The following CAST variants were observed in gnomAD, a reference collection of about 807,000 sequenced individuals.
CAST encodes MIR583 host.
Under a neutral mutation model 119.6 loss-of-function variants are expected in CAST, and 76 were observed. The ratio of observed to expected loss-of-function variants is 0.64; its 90% CI spans 0.53 to 0.77. CAST has a LOEUF of 0.77. Among genes scored for constraint, CAST ranks in the 30% least tolerant of loss-of-function variants. CAST has a pLI of 0.00. For synonymous variants in CAST, 319 were observed against 331.6 expected, an observed-to-expected ratio of 0.96 and a Z score of 0.41; for missense variants, 953 against 946.5, an observed-to-expected ratio of 1.01 and a Z score of -0.09.
upstream of CAST, among the ~76,000 whole-genome samples, chr5:96,520,612 T>C (rs1336698929): frequency 6.6e-6 from 1 of 152,106 alleles, no homozygotes; most frequent in African/African-American, 2.4e-5. Flanking sequence ...TGTGTGTCTA[T>C]GTATATGTGT....
intron 1 of CAST, among the ~76,000 whole-genome samples, chr5:96,624,063 A>G (rs1226094349): frequency 6.6e-6 from 1 of 152,188 alleles, no homozygotes; most frequent in Non-Finnish European, 1.5e-5. Flanking sequence ...GTAGCACTCA[A>G]AGTGTTCTGC....
intron 1 of CAST, among the ~76,000 whole-genome samples, chr5:96,638,243 T>TA (rs1025580236): frequency 2.7e-3 from 383 of 143,770 alleles, no homozygotes; most frequent in South Asian, 4.6e-3. Flanking sequence ...CTGCCTCTAT[T>TA]AAAAAAAAAA....
At chr5:96,050,941 T>C in the CAST span, among the ~76,000 whole-genome samples, 1 of 152,162 alleles carries the variant, frequency 6.6e-6, no homozygotes, top group Non-Finnish European at 1.5e-5. Flanking sequence ...TTTATATAAT[T>C]TGAGGTCTTT....
chr5:96,164,858 G>A, the CAST span, among the ~76,000 whole-genome samples: 16 of 152,234 alleles, frequency 1.1e-4, 1 homozygote, highest in South Asian at 3.3e-3. Context: ...AGTGGGTTAG[G>A]TGGAAGTACT....
At chr5:96,089,417 TA>T in the CAST span, among the ~76,000 whole-genome samples, 12 of 152,334 alleles carry the variant, frequency 7.9e-5, no homozygotes, top group South Asian at 2.5e-3. Flanking sequence ...GATATTTATA[TA>T]GTATTGTTTA....
At chr5:96,035,264 A>G in the CAST span, among the ~76,000 whole-genome samples, 2 of 149,336 alleles carry the variant, frequency 1.3e-5, no homozygotes, top group Non-Finnish European at 3.0e-5. Flanking sequence ...GTAAATACAT[A>G]CAGTTTTTTC....
intron 1 of CAST, among the ~76,000 whole-genome samples, chr5:96,589,406 G>A (rs1480692789): frequency 6.6e-6 from 1 of 151,988 alleles, no homozygotes; most frequent in Non-Finnish European, 1.5e-5. Context: ...TTAAAAACTG[G>A]TGTGTATTAA....
the CAST span, among the ~76,000 whole-genome samples, chr5:96,241,695 T>C: frequency 7.1e-6 from 1 of 141,186 alleles, no homozygotes; most frequent in Non-Finnish European, 1.6e-5. Context: ...GTAAAAGTGT[T>C]CCTATTTCTC....
intron 2 of CAST, among the ~76,000 whole-genome samples, chr5:96,690,438 C>T (rs1297851882): frequency 6.6e-6 from 1 of 152,078 alleles, no homozygotes; most frequent in Non-Finnish European, 1.5e-5. Context: ...CTATGTTGGC[C>T]AGGCTGGTCT....
the CAST span, among the ~76,000 whole-genome samples, chr5:96,295,990 C>T: frequency 2.6e-5 from 4 of 152,196 alleles, no homozygotes; most frequent in African/African-American, 9.6e-5. Flanking sequence ...CTTCTTTGTA[C>T]TTTACTATAT....
the CAST span, among the ~76,000 whole-genome samples, chr5:96,248,385 T>C: frequency 0.52 from 79,017 of 152,126 alleles, 21,807 homozygotes; most frequent in African/African-American, 0.7. Flanking sequence ...CGGAATGCGC[T>C]AGGCTTTTGT....
upstream of CAST, among the ~76,000 whole-genome samples, chr5:96,525,933 T>A (rs1379807541): frequency 6.6e-6 from 1 of 152,180 alleles, no homozygotes; most frequent in African/African-American, 2.4e-5. Context: ...CAGAGGGAAC[T>A]TTGGTCCAGA....
At chr5:96,586,215 G>A (rs567474614) in intron 1 of CAST, among the ~76,000 whole-genome samples, 23 of 152,176 alleles carry the variant, frequency 1.5e-4, no homozygotes, top group Non-Finnish European at 2.8e-4. Flanking sequence ...CTCTTTGAGG[G>A]TCAATAAGGT....
In CAST at chr5:96,741,264, AG is replaced by A; in HGVS notation, c.919-1del. 1 of 1,594,276 alleles carries A rather than the reference AG, an allele frequency of 6.3e-7. No homozygotes were observed. The highest frequency in any genetic ancestry group is 8.6e-7 in the Non-Finnish European group (1 of 1,162,910). Reference sequence around the variant, plus strand: ...TACCCATCACTGTGCCTGTTTCTTTAGAAACCCATAGGGCCAGATGATGCTA... The same window carrying A: ...TACCCATCACTGTGCCTGTTTCTTTAAAACCCATAGGGCCAGATGATGCTA... On this transcript the variant is annotated splice_acceptor_variant, in intron 13 of 31. Transcript: ENST00000675179. LOFTEE classifies it high-confidence loss of function.
At chr5:96,368,500 T>TG in the CAST span, among the ~76,000 whole-genome samples, 7 of 133,234 alleles carry the variant, frequency 5.3e-5, no homozygotes, top group South Asian at 7.4e-4. Context: ...AAACTCCATC[T>TG]AAAAAAAAAA....
At chr5:96,711,524 TTTA>T (rs375588311) in intron 3 of CAST, among the ~76,000 whole-genome samples, 10 of 152,314 alleles carry the variant, frequency 6.6e-5, no homozygotes, top group African/African-American at 2.4e-4. Flanking sequence ...TAAGATTTCA[TTTA>T]TTCCTTGTAA....
chr5:96,157,252 G>A, the CAST span, among the ~76,000 whole-genome samples: 7 of 152,190 alleles, frequency 4.6e-5, no homozygotes, highest in South Asian at 1.4e-3. Flanking sequence ...TCACTAGCAA[G>A]CCAGTCAACA....
At chr5:96,400,717 C>T in the CAST span, among the ~76,000 whole-genome samples, 2 of 152,162 alleles carry the variant, frequency 1.3e-5, no homozygotes, top group Non-Finnish European at 2.9e-5. Context: ...AAACTCTTAG[C>T]TATTTGAGCT....
chr5:96,163,105 G>A, the CAST span, among the ~76,000 whole-genome samples: 4 of 152,028 alleles, frequency 2.6e-5, no homozygotes, highest in Non-Finnish European at 5.9e-5. Context: ...TGCTTCTTGA[G>A]CCAGTTTTGT....
Sources: allele counts gnomAD v4.1 joint callset (sites outside exome capture counted in the v4.1 genomes callset), GRCh38; gene constraint gnomAD v4.1.1; transcripts MANE v1.5; gene names NCBI Gene and HGNC (gene_info 2026-07-23, HGNC 2026-07-21).